The following NCOA4 variants were observed in gnomAD, a reference collection of about 807,000 sequenced individuals.
NCOA4 encodes nuclear receptor coactivator 4, also known as 70 kDa AR-activator.
A neutral mutation model predicts 69.5 loss-of-function variants in NCOA4; 31 were observed. That is an observed-to-expected ratio of 0.45 (90% CI 0.34 to 0.60). The LOEUF is 0.60. NCOA4 is among the 20% of genes least tolerant of loss of function. The pLI is 0.02. For synonymous variants in NCOA4, 228 were observed against 252.4 expected (o/e 0.90, Z 0.92); for missense variants, 600 against 719.2 (o/e 0.83, Z 1.90).
intron 1 of NCOA4, chr10:46,027,352 T>C (rs1554925708): frequency 7.7e-7 from 1 of 1,294,558 alleles, no homozygotes; most frequent in Non-Finnish European, 1.1e-6. Context: ...ATGTTATGAT[T>C]TAACAATCAA....
rs1839072731 is a variant in NCOA4, at chr10:46,009,559, A to G, written c.1699-8T>C. The G allele has an allele frequency of 1.2e-6, 2 of 1,602,460 alleles. No homozygotes were observed. The highest frequency in any genetic ancestry group is 1.7e-6 in the Non-Finnish European group (2 of 1,176,314). On this transcript the variant is annotated splice_polypyrimidine_tract_variant and splice_region_variant and intron_variant, in intron 8 of 9. Transcript: ENST00000581486. ...TGAATTAAGTAATACTTCCTGCAATAAAAGAAAAGAGTAGGTTGCTTCATG... is the reference window on the plus strand; with the variant it reads ...TGAATTAAGTAATACTTCCTGCAATGAAAGAAAAGAGTAGGTTGCTTCATG...
chr10:46,009,496 T>C lies in NCOA4; in HGVS notation c.1754A>G (p.Tyr585Cys), dbSNP rs781946262. 1.2e-6 allele frequency: 2 copies of C among 1,611,512 alleles called. No individual in the cohort carries two copies. The highest frequency in any genetic ancestry group is 1.7e-6 in the Non-Finnish European group (2 of 1,179,284). The change falls in exon 9 of 10, where the codon TAT becomes TGT. Residue 585 changes from tyrosine (Y) to cysteine (C), a missense_variant. By Grantham distance (194) the Tyr-to-Cys change is radical. Transcript: ENST00000581486. ...GAGATCACAAACTGCAGGGAGGCCA[T>C]AATGGTCTGGGGGGAAGTTATGTTC... ...QEEHNFPPDH[Y>C]GLPAVCDLFA...
At chr10:46,015,346 C>A (rs1166924646) in intron 2 of NCOA4, 80 bp from the exon 3 acceptor site, 6 of 372,774 alleles carry the variant, frequency 1.6e-5, no homozygotes, top group Non-Finnish European at 2.0e-5. Flanking sequence ...GTTTCTAAAA[C>A]TTTTTTTGGG....
At chr10:46,027,874 A>C (rs1198993190) in intron 1 of NCOA4, among the ~76,000 whole-genome samples, 1 of 152,252 alleles carries the variant, frequency 6.6e-6, no homozygotes, top group Non-Finnish European at 1.5e-5. Context: ...TCTGATGACT[A>C]ATATATGTAA....
chr10:46,022,246 G>A (rs1554924522), intron 1 of NCOA4, among the ~76,000 whole-genome samples: 1 of 152,064 alleles, frequency 6.6e-6, no homozygotes, highest in Non-Finnish European at 1.5e-5. Context: ...AAAAGGCCAA[G>A]CGCAGCATCT....
chr10:46,030,243 G>A (rs1398125472), intron 1 of NCOA4, among the ~76,000 whole-genome samples: 1 of 152,094 alleles, frequency 6.6e-6, no homozygotes, highest in African/African-American at 2.4e-5. Flanking sequence ...GCCCACGGCC[G>A]GGCACGAGGA....
chr10:46,006,561 C>T lies in NCOA4; in HGVS notation c.*31G>A, dbSNP rs373790279. On this transcript the variant is annotated 3_prime_UTR_variant, in exon 10 of 10. Transcript: ENST00000581486. ...TCAGCTCATGATGTGTGATAATCAG[C>T]AGAAAGGCTGCTCAACTCTTGTCCA... 2.2e-5 allele frequency: 36 copies of T among 1,613,166 alleles called. No homozygotes were observed. The African/African-American group carries it at 3.3e-4, about 15-fold the overall frequency.
intron 1 of NCOA4, among the ~76,000 whole-genome samples, chr10:46,026,186 G>C (rs1185666097): frequency 1.3e-5 from 2 of 152,176 alleles, no homozygotes; most frequent in South Asian, 2.1e-4. Context: ...TTTTTTCAGA[G>C]AAAGAAAATG....
In NCOA4 at chr10:46,019,886, C is replaced by A. The variant is rs563937486; in HGVS notation, c.-14-3192G>T. Among the ~76,000 whole-genome samples the A allele has an allele frequency of 3.3e-5, 5 of 152,310 alleles. No homozygotes were observed. In the South Asian group the frequency reaches 6.2e-4, roughly 19 times the overall value. On this transcript the variant is annotated intron_variant, in intron 1 of 9. Coordinates refer to ENST00000581486, the MANE Select transcript of NCOA4 (RefSeq NM_001145263.2). ...GCCACGAAGAAAATCTGTTTCATTTCTTTATGGTAAGTCCCAGGATGCTTG... is the reference window on the plus strand; with the variant it reads ...GCCACGAAGAAAATCTGTTTCATTTATTTATGGTAAGTCCCAGGATGCTTG...
chr10:46,013,695 A>AAATTTGG, intron 5 of NCOA4, 56 bp from the exon 6 acceptor site: 3 of 1,272,406 alleles, frequency 2.4e-6, no homozygotes, highest in Non-Finnish European at 2.2e-6. Context: ...CAAAAAAGTG[A>AAATTTGG]AATTATAATT....
Position 46,010,823 on chromosome 10 carries a change from C to G in NCOA4, c.1098G>C (p.Leu366=). 6.2e-7 allele frequency: 1 copy of G among 1,613,982 alleles called. No homozygotes were observed. Among genetic ancestry groups the G allele is most frequent in the Non-Finnish European group, 8.5e-7 (1 of 1,179,872 alleles). ...CCTCCAAGTGGTCATTCAGGCACTT[C>G]AGATTGCCCAGGTTTTCAATCTCCA... ...KGVEIENLGN[L]KCLNDHLEAK... is the part of the protein sequence containing the mutation. The change falls in exon 8 of 10, where the codon CTG becomes CTC. Residue 366 remains leucine, a synonymous_variant. Coordinates refer to ENST00000581486, the MANE Select transcript of NCOA4 (RefSeq NM_001145263.2).
chr10:46,006,957 C>T (rs1554919945), intron 9 of NCOA4, among the ~76,000 whole-genome samples: 2 of 152,138 alleles, frequency 1.3e-5, no homozygotes, highest in African/African-American at 4.8e-5. Context: ...AAATCAAAAG[C>T]CAGAAATGAT....
chr10:46,023,412 G>A (rs1839999523), intron 1 of NCOA4: 1 of 985,702 alleles, frequency 1.0e-6, no homozygotes, highest in South Asian at 4.7e-5. Flanking sequence ...AAAGGTCCCC[G>A]AGCCCGGGCC....
chr10:46,009,262 A>C, intron 9 of NCOA4, 149 bp downstream of exon 9: 1 of 1,489,216 alleles, frequency 6.7e-7, no homozygotes, highest in South Asian at 1.2e-5. Flanking sequence ...ACTTTTTATG[A>C]GCTCCCCCGT....
rs539771687 is a variant in NCOA4 at position 46,005,334 on chromosome 10, C to A, written c.*1258G>T. ...CTGGGGAGGGAATTAAAAAATAATA[C>A]AAAGCTCTTTTCAGCTGTGGTTCAA... On this transcript the variant is annotated 3_prime_UTR_variant, in exon 10 of 10. Coordinates refer to ENST00000581486, the MANE Select transcript of NCOA4 (RefSeq NM_001145263.2). The A allele has an allele frequency of 9.4e-6, 2 of 213,854 alleles. No individual in the cohort carries two copies. The highest frequency in any genetic ancestry group is 3.7e-4 in the South Asian group (2 of 5,350). The allele number at this position is 213,854 out of a possible 1,614,324, so 13.2% of individuals were successfully genotyped here. A position where few individuals can be genotyped will look rare whatever the true frequency, so the allele number is the denominator to read the frequency against.
intron 1 of NCOA4, among the ~76,000 whole-genome samples, chr10:46,027,037 G>A (rs1480184815): frequency 2.2e-4 from 33 of 152,120 alleles, no homozygotes; most frequent in African/African-American, 7.0e-4. Context: ...AGGCCGAGGC[G>A]GGCGGATCAC....
intron 1 of NCOA4, chr10:46,023,386 C>T (rs1839997435): frequency 1.7e-5 from 17 of 985,698 alleles, no homozygotes; most frequent in Non-Finnish European, 2.0e-5. Context: ...GCTGCTTTAC[C>T]CCTGACCCGA....
chr10:46,013,080 A>T (rs1404171261), intron 6 of NCOA4, 54 bp from the exon 7 acceptor site: 2 of 1,569,372 alleles, frequency 1.3e-6, no homozygotes, highest in Non-Finnish European at 1.7e-6. Context: ...CACCAGAAAA[A>T]GAGAAGAGCC....
chr10:46,022,361 T>G (rs1554924560), intron 1 of NCOA4: 2 of 446,000 alleles, frequency 4.5e-6, no homozygotes, highest in Non-Finnish European at 9.1e-6. Flanking sequence ...TCTGTAAAGC[T>G]TTTAGTTTAA....
Sources: gnomAD v4.1 joint callset for allele counts (sites outside exome capture counted in the v4.1 genomes callset) on GRCh38, gnomAD v4.1.1 for gene constraint, MANE v1.5 for transcripts, NCBI Gene and HGNC (gene_info 2026-07-23, HGNC 2026-07-21) for gene names.